Variants in ECD observed in about 807,000 individuals in gnomAD.
ECD encodes the protein ecdysoneless cell cycle regulator, also known as protein ecdysoneless homolog.
ECD carries 59 observed loss-of-function variants against 77.2 expected under a neutral mutation model. That is an observed-to-expected ratio of 0.76 (90% CI 0.62 to 0.95). The LOEUF is 0.95. Ranked by LOEUF, ECD falls within the 40% of genes least tolerant of loss-of-function variation. ECD has a pLI of 0.00. For missense variants in ECD, 704 were observed against 763.4 expected (o/e 0.92, Z 0.92); for synonymous variants, 233 against 267.4 (o/e 0.87, Z 1.26).
intron 6 of ECD, among the ~76,000 whole-genome samples, chr10:73,153,324 T>C (rs113251857): frequency 0.16 from 23,924 of 152,092 alleles, 3,140 homozygotes; most frequent in African/African-American, 0.34. Context: ...AACACGTGGG[T>C]TCAAGTGATC....
At chr10:73,152,773 A>G (rs1487432034) in intron 6 of ECD, among the ~76,000 whole-genome samples, 1 of 151,974 alleles carries the variant, frequency 6.6e-6, no homozygotes, top group African/African-American at 2.4e-5. Context: ...TAAGCCAGGC[A>G]TGGTGGCGCA....
In ECD at chr10:73,156,462, G is replaced by A. The variant is rs145973670; in HGVS notation, c.412-9C>T. On this transcript the variant is annotated splice_polypyrimidine_tract_variant and intron_variant, in intron 4 of 13. Coordinates refer to ENST00000372979, the MANE Select transcript of ECD (RefSeq NM_007265.3). Reference sequence around the variant, plus strand: ...CCATGGCAGAAAAATACCTGCAAACGGTACATTTCAATTTTCACAGTGGGC... The same window carrying A: ...CCATGGCAGAAAAATACCTGCAAACAGTACATTTCAATTTTCACAGTGGGC... The A allele has an allele frequency of 2.9e-5, 46 of 1,608,210 alleles. 1 individual carries two copies. The African/African-American group carries it at 3.3e-4, about 12-fold the overall frequency.
intron 9 of ECD, among the ~76,000 whole-genome samples, chr10:73,145,937 C>T (rs1318415551): frequency 6.6e-6 from 1 of 152,006 alleles, no homozygotes; most frequent in African/African-American, 2.4e-5. Context: ...GCCACCGCGC[C>T]TGGCCATATT....
chr10:73,153,701 G>C (rs12571885), intron 6 of ECD, among the ~76,000 whole-genome samples: 14,850 of 144,008 alleles, frequency 0.1, 1,161 homozygotes, highest in East Asian at 0.3. Flanking sequence ...ACTCCAGCCT[G>C]GGTGAGAGAG....
chr10:73,134,540 C>T lies in ECD; in HGVS notation c.*43G>A, dbSNP rs1405077234. On this transcript the variant is annotated 3_prime_UTR_variant, in exon 14 of 14. Coordinates refer to ENST00000372979, the MANE Select transcript of ECD (RefSeq NM_007265.3). ...AACTAGAAATGAACAGAATCATATT[C>T]AATATTTATTTAAAAAGAAAAAAGA... 1.7e-5 allele frequency: 25 copies of T among 1,496,742 alleles called. No individual in the cohort carries two copies. Among genetic ancestry groups the T allele is most frequent in the Non-Finnish European group, 2.2e-5 (24 of 1,088,484 alleles). The allele number at this position is 1,496,742 out of a possible 1,614,324, so 92.7% of individuals were successfully genotyped here.
chr10:73,152,914 C>CAAAAAAAAAAA (rs146290115), intron 6 of ECD, among the ~76,000 whole-genome samples: 10,543 of 147,402 alleles, frequency 0.072, 1,126 homozygotes, highest in African/African-American at 0.25. Flanking sequence ...GACACTGTTG[C>CAAAAAAAAAAA]AAAAAAAATT....
rs148204269 is a variant in ECD, at chr10:73,156,306, T to C, written c.559A>G (p.Ile187Val). 11 of 1,609,112 alleles carry C rather than the reference T, an allele frequency of 6.8e-6. No individual in the cohort carries two copies. In the African/African-American group the frequency reaches 1.1e-4, roughly 16 times the overall value. ...HSEKILASES[I>V]RAAVNRRIRG... ...ATGCGCCTATTCACAGCAGCTCGTA[T>C]AGATTCTGAAGCAAGTATTTTTTCT... The change falls in exon 5 of 14, where the codon ATA becomes GTA. Residue 187 changes from isoleucine to valine, a missense_variant. This residue lies in a region of ECD where 559 missense variants were observed against 583.7 expected (regional missense o/e 0.96). Transcript: ENST00000372979.
intron 3 of ECD, among the ~76,000 whole-genome samples, chr10:73,157,671 G>A (rs1405032112): frequency 2.7e-5 from 4 of 150,812 alleles, no homozygotes; most frequent in African/African-American, 7.3e-5. Flanking sequence ...GCGGTGAGCC[G>A]AGATCGCACC....
intron 6 of ECD, 58 bp from the exon 7 acceptor site, chr10:73,152,479 C>T: frequency 1.3e-6 from 2 of 1,553,766 alleles, no homozygotes; most frequent in Non-Finnish European, 1.8e-6. Context: ...TTGTGAATAA[C>T]ACTTCACAGT....
intron 1 of ECD, among the ~76,000 whole-genome samples, chr10:73,165,344 TTTTC>T (rs1208340742): frequency 1.3e-5 from 2 of 151,994 alleles, no homozygotes; most frequent in Non-Finnish European, 2.9e-5. Context: ...TCTTTTTTTC[TTTTC>T]TTTTTCTTTT....
rs139138878 is a variant in ECD, at chr10:73,134,792, C to T, written c.1726G>A (p.Asp576Asn). 7.8e-4 allele frequency: 1,260 copies of T among 1,613,902 alleles called. No individual in the cohort carries two copies. Among genetic ancestry groups the T allele is most frequent in the Non-Finnish European group, 1.0e-3 (1,201 of 1,179,998 alleles). ...GAATCTTCCTCATCTGAATTGTTAT[C>T]GGTAGTCTGGGATACAGGTTCCTTA... Reference protein sequence around the residue: ...NQVEPVSQTTDNNSDEEDSGT... With the variant: ...NQVEPVSQTTNNNSDEEDSGT... Residue 576 changes from aspartate to asparagine, a missense_variant, in exon 14 of 14, where the codon GAT (aspartate) becomes AAT (asparagine). Physicochemically the swap from Asp to Asn is conservative, Grantham distance 23 (BLOSUM62 1). Around this residue, in one of 3 missense-constraint regions of ECD, gnomAD observed 142 missense variants for 163.6 expected, o/e 0.87. Coordinates refer to ENST00000372979, the MANE Select transcript of ECD (RefSeq NM_007265.3).
intron 7 of ECD, 47 bp downstream of exon 7, chr10:73,152,245 GT>G: frequency 6.3e-7 from 1 of 1,595,688 alleles, no homozygotes; most frequent in Non-Finnish European, 8.6e-7. Context: ...TCTATTAAGA[GT>G]CCATTTACAT....
chr10:73,162,438 G>C (rs1461313603), intron 2 of ECD, among the ~76,000 whole-genome samples: 2 of 152,180 alleles, frequency 1.3e-5, no homozygotes, highest in Non-Finnish European at 2.9e-5. Flanking sequence ...CAGTAAAAAT[G>C]GTTTTCTAGA....
intron 1 of ECD, among the ~76,000 whole-genome samples, chr10:73,164,289 T>C (rs1564668787): frequency 6.7e-6 from 1 of 150,078 alleles, no homozygotes; most frequent in East Asian, 2.0e-4. Context: ...GAGGCAGAGG[T>C]TGCAATGAGC....
chr10:73,140,887 T>G (rs982059939), intron 9 of ECD, among the ~76,000 whole-genome samples: 23 of 151,416 alleles, frequency 1.5e-4, no homozygotes, highest in African/African-American at 5.6e-4. Flanking sequence ...ATGTTAATAG[T>G]ACATATACAT....
rs1329505668 is a variant in ECD at position 73,134,697 on chromosome 10, G to T, written c.1821C>A (p.Ser607=). ...CTGCCAGTCCAGCTTGGGAGCTATA[G>T]GATTCCAATATATTTGAAACCAGGT... ...DLNLVSNILE[S]YSSQAGLAGP... The change falls in exon 14 of 14, where the codon TCC becomes TCA. Residue 607 remains serine (S), a synonymous_variant. Coordinates refer to ENST00000372979, the MANE Select transcript of ECD (RefSeq NM_007265.3). The T allele has an allele frequency of 1.2e-6, 2 of 1,614,020 alleles. No homozygotes were observed. Among genetic ancestry groups the T allele is most frequent in the African/African-American group, 2.7e-5 (2 of 74,910 alleles).
chr10:73,139,598 A>G, intron 10 of ECD, 33 bp downstream of exon 10: 1 of 1,551,848 alleles, frequency 6.4e-7, no homozygotes, highest in Non-Finnish European at 8.7e-7. Flanking sequence ...TTTTTTTTTT[A>G]ACCCTTCCAC....
intron 3 of ECD, among the ~76,000 whole-genome samples, chr10:73,159,608 T>C (rs1170422582): frequency 6.6e-6 from 1 of 151,836 alleles, no homozygotes; most frequent in African/African-American, 2.4e-5. Flanking sequence ...TTATTTGAAA[T>C]CTTTTGGAAG....
chr10:73,162,172 C>T (rs898286452), intron 2 of ECD, among the ~76,000 whole-genome samples: 10 of 152,132 alleles, frequency 6.6e-5, no homozygotes, highest in African/African-American at 2.4e-4. Flanking sequence ...ACAAACATAA[C>T]CAGCAACAGT....
Sources: gnomAD v4.1 joint callset for allele counts (sites outside exome capture counted in the v4.1 genomes callset) on GRCh38, gnomAD v4.1.1 for gene constraint, gnomAD v4.1.1 regional missense constraint, MANE v1.5 for transcripts, NCBI Gene and HGNC (gene_info 2026-07-23, HGNC 2026-07-21) for gene names.